The following KIAA1217 variants were observed in gnomAD, a reference collection of about 807,000 sequenced individuals.
KIAA1217 encodes sickle tail protein homolog.
A neutral mutation model predicts 163.9 loss-of-function variants in KIAA1217; 88 were observed. The observed-to-expected ratio is 0.54, with a 90% CI of 0.45 to 0.64. The LOEUF is 0.64. KIAA1217 is among the 30% of genes least tolerant of loss of function. KIAA1217 has a pLI of 0.00. For missense variants in KIAA1217, 2,372 were observed against 2,475.0 expected, an observed-to-expected ratio of 0.96 and a Z score of 0.88; for synonymous variants, 903 against 923.1, an observed-to-expected ratio of 0.98 and a Z score of 0.39.
chr10:23,699,203 C>T (rs983256343), intron 1 of KIAA1217, among the ~76,000 whole-genome samples: 2 of 152,180 alleles, frequency 1.3e-5, no homozygotes, highest in African/African-American at 4.8e-5. Flanking sequence ...CCTGTGGCTC[C>T]CAGTTTCAGA....
intron 2 of KIAA1217, among the ~76,000 whole-genome samples, chr10:24,094,487 A>G (rs1170294192): frequency 6.6e-6 from 1 of 152,212 alleles, no homozygotes; most frequent in East Asian, 1.9e-4. Flanking sequence ...GGAGTTTGCT[A>G]GAGGTCCACT....
intron 2 of KIAA1217, among the ~76,000 whole-genome samples, chr10:24,309,201 A>T (rs1054452744): frequency 6.6e-6 from 1 of 151,222 alleles, no homozygotes; most frequent in Non-Finnish European, 1.5e-5. Context: ...AGGGTGAGTG[A>T]GTGGAAGAAA....
chr10:24,289,951 G>A (rs1564412826), intron 2 of KIAA1217, among the ~76,000 whole-genome samples: 1 of 152,164 alleles, frequency 6.6e-6, no homozygotes, highest in African/African-American at 2.4e-5. Context: ...AAGATTTGGG[G>A]ATTGTGGGAG....
chr10:24,309,168 G>A (rs2042356659), intron 2 of KIAA1217, among the ~76,000 whole-genome samples: 1 of 149,374 alleles, frequency 6.7e-6, no homozygotes, highest in African/African-American at 2.5e-5. Flanking sequence ...GAGGGAGGGA[G>A]GGAAGGAGGG....
chr10:23,739,735 T>G (rs893435291), intron 1 of KIAA1217, among the ~76,000 whole-genome samples: 1 of 152,044 alleles, frequency 6.6e-6, no homozygotes, highest in African/African-American at 2.4e-5. Flanking sequence ...GAGGCCAGAG[T>G]AGAGGCAGGG....
intron 2 of KIAA1217, among the ~76,000 whole-genome samples, chr10:24,154,320 A>G (rs2064777510): frequency 6.6e-6 from 1 of 150,920 alleles, no homozygotes; most frequent in Non-Finnish European, 1.5e-5. Context: ...CCAGCTTCTC[A>G]GGAGGCTGAG....
Position 24,340,848 on chromosome 10 carries a change from G to A in KIAA1217, c.355-40021G>A, listed in dbSNP as rs564231245. ...CATAAGGAATCATAAAGTTCACTTG[G>A]AAATTATTTTCAAGTGAGCAGAAAT... On this transcript the variant is annotated intron_variant, in intron 2 of 20. Transcript: ENST00000376454. Among the ~76,000 whole-genome samples, 5 of 152,316 alleles carry A rather than the reference G, an allele frequency of 3.3e-5. No individual in the cohort carries two copies. The South Asian group carries it at 1.0e-3, about 32-fold the overall frequency.
intron 2 of KIAA1217, among the ~76,000 whole-genome samples, chr10:24,083,925 G>T (rs6482364): frequency 0.12 from 18,721 of 152,064 alleles, 3,109 homozygotes; most frequent in African/African-American, 0.38. Flanking sequence ...TCGCATTTCA[G>T]GCATCCTTGG....
chr10:24,011,517 A>C (rs915857448), intron 2 of KIAA1217, among the ~76,000 whole-genome samples: 1 of 152,064 alleles, frequency 6.6e-6, no homozygotes, highest in Non-Finnish European at 1.5e-5. Context: ...GTCTTTTTAA[A>C]AAAAAGCAGA....
At chr10:24,275,398 G>C (rs978455658) in intron 2 of KIAA1217, among the ~76,000 whole-genome samples, 2 of 152,166 alleles carry the variant, frequency 1.3e-5, no homozygotes, top group African/African-American at 4.8e-5. Flanking sequence ...CTGTGGAAAG[G>C]GTGCTTCCTT....
chr10:24,519,774 T>G (rs1345134279), intron 10 of KIAA1217, among the ~76,000 whole-genome samples: 1 of 152,044 alleles, frequency 6.6e-6, no homozygotes, highest in African/African-American at 2.4e-5. Flanking sequence ...TCTTTCTCCC[T>G]CTCTCTCCTA....
intron 2 of KIAA1217, among the ~76,000 whole-genome samples, chr10:24,066,157 T>C (rs1359799274): frequency 6.6e-6 from 1 of 152,172 alleles, no homozygotes; most frequent in African/African-American, 2.4e-5. Flanking sequence ...AGGTTAGTAT[T>C]GTTATGTGTG....
intron 14 of KIAA1217, among the ~76,000 whole-genome samples, chr10:24,529,798 ATT>A (rs34277036): frequency 9.1e-5 from 12 of 132,138 alleles, no homozygotes; most frequent in Admixed American, 2.3e-4. Context: ...AGCTCATCAC[ATT>A]TTTTTTTTTT....
chr10:24,374,780 T>TTTGTA (rs1225324822), intron 2 of KIAA1217, among the ~76,000 whole-genome samples: 1 of 152,042 alleles, frequency 6.6e-6, no homozygotes, highest in Non-Finnish European at 1.5e-5. Flanking sequence ...TTTTTTAAAT[T>TTTGTA]TTGTATTCTT....
chr10:24,091,289 T>G (rs1307205794), intron 2 of KIAA1217, among the ~76,000 whole-genome samples: 1 of 151,910 alleles, frequency 6.6e-6, no homozygotes, highest in Non-Finnish European at 1.5e-5. Flanking sequence ...TCTTAAACAA[T>G]GCACCCAGCG....
At position 24,545,941 on chromosome 10, in the gene KIAA1217, T is replaced by C. The variant is rs2075692332; in HGVS notation, c.5449T>C (p.Ser1817Pro). 6.2e-7 allele frequency: 1 copy of C among 1,614,154 alleles called. No individual in the cohort carries two copies. Among genetic ancestry groups the C allele is most frequent in the Non-Finnish European group, 8.5e-7 (1 of 1,180,034 alleles). The change falls in exon 21 of 21, where the codon TCT becomes CCT. Residue 1817 changes from serine to proline, a missense_variant. By Grantham distance (74) the Ser-to-Pro change is moderately conservative. This residue lies in a region of KIAA1217 where 690 missense variants were observed against 677.5 expected (regional missense o/e 1.02). Coordinates refer to ENST00000376454, the MANE Select transcript of KIAA1217 (RefSeq NM_019590.5). Reference sequence around the variant, plus strand: ...CTCTGGGAAAAGCAGTTCTCTGCCCTCTTCTAGTGGTGACAGCTCTAACCT... The same window carrying C: ...CTCTGGGAAAAGCAGTTCTCTGCCCCCTTCTAGTGGTGACAGCTCTAACCT... The part of the protein sequence containing the change: ...PSSGKSSSLP[S>P]SSGDSSNLPN...
intron 3 of KIAA1217, among the ~76,000 whole-genome samples, chr10:24,417,613 G>A (rs995217993): frequency 4.6e-5 from 7 of 152,040 alleles, no homozygotes; most frequent in Non-Finnish European, 7.3e-5. Context: ...CCCCGTGGAC[G>A]GCTGGCCATT....
chr10:23,727,594 T>G (rs185404582), intron 1 of KIAA1217, among the ~76,000 whole-genome samples: 98 of 152,280 alleles, frequency 6.4e-4, no homozygotes, highest in African/African-American at 2.3e-3. Flanking sequence ...ATGATGCACA[T>G]ACATAGTTAT....
intron 2 of KIAA1217, among the ~76,000 whole-genome samples, chr10:24,290,013 T>C (rs759639476): frequency 6.6e-6 from 1 of 152,162 alleles, no homozygotes; most frequent in African/African-American, 2.4e-5. Context: ...ATTTCAGATG[T>C]AGAGCAACAG....
Sources: gnomAD v4.1 joint callset for allele counts (sites outside exome capture counted in the v4.1 genomes callset) on GRCh38, gnomAD v4.1.1 for gene constraint, gnomAD v4.1.1 regional missense constraint, MANE v1.5 for transcripts, NCBI Gene and HGNC (gene_info 2026-07-23, HGNC 2026-07-21) for gene names.